TIAM2: variants seen among roughly 807,000 people sequenced by gnomAD.
TIAM2 encodes TIAM Rac1 associated GEF 2, also known as rho guanine nucleotide exchange factor TIAM2.
TIAM2 carries 80 observed loss-of-function variants against 152.9 expected under a neutral mutation model. That is an observed-to-expected ratio of 0.52 (90% CI 0.44 to 0.63). TIAM2 has a LOEUF of 0.63. Ranked by LOEUF, TIAM2 falls within the 30% of genes least tolerant of loss-of-function variation. The probability of loss-of-function intolerance (pLI) is 0.00; values close to 1 mark genes in which losing one functional copy is unlikely to be tolerated. For missense variants in TIAM2, 1,965 were observed against 2,120.1 expected (o/e 0.93, Z 1.44); for synonymous variants, 804 against 838.0 (o/e 0.96, Z 0.70).
intron 15 of TIAM2, among the ~76,000 whole-genome samples, chr6:155,231,405 A>G (rs540208626): frequency 6.6e-6 from 1 of 152,346 alleles, no homozygotes; most frequent in South Asian, 2.1e-4. Context: ...TGATAAATAT[A>G]AAAATTTCAT....
chr6:155,148,401 G>A (rs1206123353), intron 7 of TIAM2, 67 bp downstream of exon 7: 3 of 1,421,318 alleles, frequency 2.1e-6, no homozygotes, highest in African/African-American at 2.8e-5. Context: ...CTGAACGCAT[G>A]CTGTCATCTT....
chr6:155,184,381 G>C (rs567744139), intron 14 of TIAM2, among the ~76,000 whole-genome samples: 1 of 152,184 alleles, frequency 6.6e-6, no homozygotes, highest in African/African-American at 2.4e-5. Context: ...GTTTTCTCAC[G>C]GTAAGACTTC....
At position 155,242,007 on chromosome 6, in the gene TIAM2, G is replaced by A. The variant is rs981343962; in HGVS notation, c.3348+1298G>A. ...TTGTTAGAATTTCCTGTTAGGCCAC[G>A]CTGTACTGGGAGGGTCATTTCAGTG... is the stretch of plus-strand genomic sequence containing the variant. On this transcript the variant is annotated intron_variant, in intron 16 of 26. Coordinates refer to ENST00000682666, the MANE Select transcript of TIAM2 (RefSeq NM_012454.4). Among the ~76,000 whole-genome samples, 6 of 152,184 alleles carry A rather than the reference G, an allele frequency of 3.9e-5. No homozygotes were observed. In the South Asian group the frequency reaches 6.2e-4, roughly 16 times the overall value.
chr6:155,145,458 A>T (rs1779800186), intron 6 of TIAM2, among the ~76,000 whole-genome samples: 1 of 152,192 alleles, frequency 6.6e-6, no homozygotes, highest in Admixed American at 6.5e-5. Flanking sequence ...TTCAACCAGT[A>T]GGATAATAGT....
rs1780711946 is a variant in TIAM2, at chr6:155,174,418, TG to T, written c.2362-2396del. Among the ~76,000 whole-genome samples, 1 of 151,952 alleles carries T rather than the reference TG, an allele frequency of 6.6e-6. No individual in the cohort carries two copies. The highest frequency in any genetic ancestry group is 1.5e-5 in the Non-Finnish European group (1 of 67,978). ...TGGAGCCTCCCTCTGTCGCCCAGGC[TG>T]GAGTGCAGTGGCACGATCTTGGCTC... On this transcript the variant is annotated intron_variant, in intron 9 of 26. Coordinates refer to ENST00000682666, the MANE Select transcript of TIAM2 (RefSeq NM_012454.4). This position sits in a 1 kb window ranked among gnomAD's most constrained non-coding sequence, Gnocchi z 4.2.
chr6:155,142,489 G>A (rs985605074), intron 5 of TIAM2, among the ~76,000 whole-genome samples: 1 of 152,218 alleles, frequency 6.6e-6, no homozygotes, highest in Non-Finnish European at 1.5e-5. Context: ...GGAAGTGAAC[G>A]TGAACCCATT....
chr6:155,056,838 T>C (rs1317115922), intron 1 of TIAM2, among the ~76,000 whole-genome samples: 1 of 151,874 alleles, frequency 6.6e-6, no homozygotes, highest in African/African-American at 2.4e-5. Context: ...TCTTTGTCCC[T>C]AATGTCCTTT....
chr6:155,029,744 A>C (rs932078005), intron 1 of TIAM2, among the ~76,000 whole-genome samples: 3 of 142,058 alleles, frequency 2.1e-5, no homozygotes, highest in Non-Finnish European at 4.5e-5. Flanking sequence ...GTATATAACT[A>C]TATATATATA....
chr6:155,036,362 T>C (rs1776920872), intron 1 of TIAM2, among the ~76,000 whole-genome samples: 1 of 151,746 alleles, frequency 6.6e-6, no homozygotes, highest in Admixed American at 6.6e-5. Flanking sequence ...GTAAACCCTG[T>C]CTCTACCAAA....
chr6:155,029,035 C>A (rs150400660), intron 1 of TIAM2, among the ~76,000 whole-genome samples: 1 of 83,302 alleles, frequency 1.2e-5, no homozygotes, highest in African/African-American at 5.4e-5. Context: ...ACTGTATATA[C>A]TATATATACT....
chr6:155,006,799 C>T (rs531497549), intron 1 of TIAM2, among the ~76,000 whole-genome samples: 1 of 151,928 alleles, frequency 6.6e-6, no homozygotes, highest in African/African-American at 2.4e-5. Context: ...AGCGATTCTC[C>T]TGCCTCAGCC....
chr6:155,022,069 A>C (rs985294693), intron 1 of TIAM2, among the ~76,000 whole-genome samples: 2 of 152,066 alleles, frequency 1.3e-5, no homozygotes, highest in Admixed American at 1.3e-4. Flanking sequence ...TTTGCTTTTT[A>C]CTTCCCTCCT....
At chr6:155,187,611 C>CTTTTTTTTTTT (rs1781079830) in intron 14 of TIAM2, among the ~76,000 whole-genome samples, 1 of 79,678 alleles carries the variant, frequency 1.3e-5, no homozygotes, top group African/African-American at 4.8e-5. Context: ...TGAAGTTTTG[C>CTTTTTTTTTTT]TCTTGTTGCC....
At chr6:155,148,893 C>T (rs1339308930) in intron 7 of TIAM2, among the ~76,000 whole-genome samples, 1 of 152,118 alleles carries the variant, frequency 6.6e-6, no homozygotes, top group East Asian at 1.9e-4. Flanking sequence ...GAAGGGAAAA[C>T]AGTTTGAAAA....
intron 4 of TIAM2, among the ~76,000 whole-genome samples, chr6:155,132,412 G>A (rs575887334): frequency 6.6e-6 from 1 of 151,446 alleles, no homozygotes; most frequent in Non-Finnish European, 1.5e-5. Context: ...TCCTGTGCTG[G>A]GCTTCGGTTC....
intron 5 of TIAM2, among the ~76,000 whole-genome samples, chr6:155,140,670 C>T (rs191720423): frequency 3.3e-5 from 5 of 151,174 alleles, no homozygotes; most frequent in African/African-American, 4.9e-5. Context: ...GATTTAGAGC[C>T]GTGCTAGATG....
rs1001717718 is a variant in TIAM2 at position 155,087,438 on chromosome 6, T to C, written c.-208-2851T>C. ...CCTAGTGAAGCTTGATTCAGTATTC[T>C]TTTCTTATCATTTGAAAATATTTTT... On this transcript the variant is annotated intron_variant, in intron 1 of 26. Transcript: ENST00000682666. 2.0e-5 allele frequency among the ~76,000 whole-genome samples: 3 copies of C among 152,234 alleles called. No individual in the cohort carries two copies. In the South Asian group the frequency reaches 6.2e-4, roughly 31 times the overall value.
chr6:155,204,280 A>G (rs1236143653), intron 14 of TIAM2, among the ~76,000 whole-genome samples: 6 of 152,150 alleles, frequency 3.9e-5, no homozygotes, highest in Non-Finnish European at 1.5e-5. Flanking sequence ...TGTTTTGCTC[A>G]GAACTTTGCC....
intron 10 of TIAM2, among the ~76,000 whole-genome samples, chr6:155,177,807 G>A (rs1780791172): frequency 6.6e-6 from 1 of 151,996 alleles, no homozygotes. Flanking sequence ...TTTTTATTCA[G>A]AAAACCAACA....
Sources: allele counts gnomAD v4.1 joint callset (sites outside exome capture counted in the v4.1 genomes callset), GRCh38; gene constraint gnomAD v4.1.1; non-coding constraint Gnocchi (gnomAD v3.1); transcripts MANE v1.5; gene names NCBI Gene and HGNC (gene_info 2026-07-23, HGNC 2026-07-21).